The following TENM3 variants were observed in gnomAD, a reference collection of about 807,000 sequenced individuals.
TENM3 encodes teneurin transmembrane protein 3.
In TENM3, 63 loss-of-function variants were observed where a neutral mutation model predicts 255.1. That is an observed-to-expected ratio of 0.25 (90% CI 0.20 to 0.30). The LOEUF (loss-of-function observed/expected upper bound fraction) is 0.30. TENM3 is among the 10% of genes least tolerant of loss of function. The pLI, the probability that TENM3 is intolerant of heterozygous loss-of-function variation, is 1.00. For missense variants in TENM3, 2,929 were observed against 3,461.1 expected (o/e 0.85, Z 3.86); for synonymous variants, 1,306 against 1,322.3 (o/e 0.99, Z 0.27).
At chr4:181,952,116 CAT>C in the TENM3 span, among the ~76,000 whole-genome samples, 1 of 152,176 alleles carries the variant, frequency 6.6e-6, no homozygotes, top group Non-Finnish European at 1.5e-5. Context: ...CTTTTAAACT[CAT>C]AAAAGTAATT....
the TENM3 span, among the ~76,000 whole-genome samples, chr4:181,971,060 G>T: frequency 6.6e-6 from 1 of 152,050 alleles, no homozygotes; most frequent in African/African-American, 2.4e-5. Flanking sequence ...TGATCCTCCC[G>T]CCTCGAGCTC....
chr4:182,374,023 C>A (rs1033347713), intron 3 of TENM3, among the ~76,000 whole-genome samples: 1 of 151,488 alleles, frequency 6.6e-6, no homozygotes, highest in Non-Finnish European at 1.5e-5. Flanking sequence ...CAAGACCTAC[C>A]AGTGTGTATA....
chr4:182,766,611 G>A (rs1378145438), intron 22 of TENM3, among the ~76,000 whole-genome samples: 2 of 152,134 alleles, frequency 1.3e-5, no homozygotes, highest in Non-Finnish European at 2.9e-5. Flanking sequence ...TTTGATTCTT[G>A]AAGAAAATGT....
chr4:182,374,102 C>T (rs770355079), intron 3 of TENM3, among the ~76,000 whole-genome samples: 64 of 152,174 alleles, frequency 4.2e-4, no homozygotes, highest in Non-Finnish European at 6.8e-4. Flanking sequence ...GAGTTTCACA[C>T]GTCTTTACTC....
chr4:182,508,484 CATT>C (rs1258343720), intron 3 of TENM3, among the ~76,000 whole-genome samples: 22 of 152,182 alleles, frequency 1.4e-4, no homozygotes, highest in Admixed American at 1.2e-3. Context: ...TCACTATCAT[CATT>C]ATTTCAACTT....
chr4:182,583,278 C>T (rs1264079686), intron 3 of TENM3, among the ~76,000 whole-genome samples: 1 of 151,150 alleles, frequency 6.6e-6, no homozygotes, highest in Admixed American at 6.6e-5. Context: ...AAAATGCAAA[C>T]TGATAAAGCA....
At chr4:182,459,322 A>G (rs1774146789) in intron 3 of TENM3, among the ~76,000 whole-genome samples, 1 of 152,188 alleles carries the variant, frequency 6.6e-6, no homozygotes, top group Admixed American at 6.5e-5. Context: ...CCACTTTGAA[A>G]GCAATAGTAT....
the TENM3 span, among the ~76,000 whole-genome samples, chr4:181,788,464 C>A: frequency 6.6e-6 from 1 of 152,114 alleles, no homozygotes; most frequent in Non-Finnish European, 1.5e-5. Context: ...ATTAATACTC[C>A]AATTTTCTGA....
chr4:182,551,990 C>T (rs1057231711), intron 3 of TENM3, among the ~76,000 whole-genome samples: 6 of 149,426 alleles, frequency 4.0e-5, no homozygotes, highest in Admixed American at 2.0e-4. Context: ...GACACCACTG[C>T]ACTCCAGCCG....
At chr4:182,666,073 T>TG (rs1754652043) in intron 6 of TENM3, among the ~76,000 whole-genome samples, 1 of 152,044 alleles carries the variant, frequency 6.6e-6, no homozygotes, top group African/African-American at 2.4e-5. Context: ...GCAGATCTGG[T>TG]GGAAATAGCA....
intron 5 of TENM3, among the ~76,000 whole-genome samples, chr4:182,629,728 G>GCCTCAGGTTTA: frequency 6.6e-6 from 1 of 152,110 alleles, no homozygotes; most frequent in East Asian, 1.9e-4. Flanking sequence ...GGTTTACAAA[G>GCCTCAGGTTTA]CAATTTGTGA....
At chr4:182,492,735 G>A (rs557300615) in intron 3 of TENM3, among the ~76,000 whole-genome samples, 2 of 152,280 alleles carry the variant, frequency 1.3e-5, no homozygotes, top group South Asian at 4.1e-4. Flanking sequence ...TCAGTCAGAA[G>A]TGAATTTTAA....
intron 3 of TENM3, among the ~76,000 whole-genome samples, chr4:182,479,338 A>G (rs536155964): frequency 3.3e-5 from 5 of 151,868 alleles, no homozygotes; most frequent in Non-Finnish European, 7.4e-5. Context: ...CTACGTTTTT[A>G]TATTAACTTA....
chr4:181,682,157 T>G, the TENM3 span, among the ~76,000 whole-genome samples: 3 of 152,124 alleles, frequency 2.0e-5, no homozygotes, highest in African/African-American at 7.2e-5. Context: ...CTGTAACAAT[T>G]AACAAAAAGA....
chr4:181,501,052 C>T, the TENM3 span, among the ~76,000 whole-genome samples: 2,523 of 152,256 alleles, frequency 0.017, 59 homozygotes, highest in African/African-American at 0.057. Flanking sequence ...TGCCTGGCTT[C>T]CCGCCCACCT....
intron 3 of TENM3, among the ~76,000 whole-genome samples, chr4:182,394,543 G>A (rs1384235998): frequency 6.6e-6 from 1 of 152,152 alleles, no homozygotes; most frequent in Non-Finnish European, 1.5e-5. Flanking sequence ...GCATTTGAGA[G>A]CAGTATAATT....
chr4:182,625,617 A>G (rs1247603362), intron 4 of TENM3, among the ~76,000 whole-genome samples: 2 of 152,196 alleles, frequency 1.3e-5, no homozygotes, highest in Non-Finnish European at 2.9e-5. Context: ...TCCTTTTCCT[A>G]TACTTGGCAA....
chr4:182,666,094 A>C (rs1340081155), intron 6 of TENM3, among the ~76,000 whole-genome samples: 1 of 152,184 alleles, frequency 6.6e-6, no homozygotes, highest in East Asian at 1.9e-4. Flanking sequence ...AGAAAACTAG[A>C]ATTAGAAGTA....
chr4:181,725,303 A>G, the TENM3 span, among the ~76,000 whole-genome samples: 4 of 152,342 alleles, frequency 2.6e-5, no homozygotes, highest in Admixed American at 2.0e-4. Flanking sequence ...GAAAATACAC[A>G]TGCAAATTGC....
Sources: gnomAD v4.1 joint callset for allele counts (sites outside exome capture counted in the v4.1 genomes callset) on GRCh38, gnomAD v4.1.1 for gene constraint, MANE v1.5 for transcripts, NCBI Gene and HGNC (gene_info 2026-07-23, HGNC 2026-07-21) for gene names.